Variants in SLC24A3 observed in about 807,000 individuals in gnomAD.
The protein encoded by SLC24A3 is sodium/potassium/calcium exchanger 3.
Under a neutral mutation model 75.8 loss-of-function variants are expected in SLC24A3, and 28 were observed. The observed-to-expected ratio is 0.37, with a 90% CI of 0.27 to 0.51. SLC24A3 has a LOEUF of 0.51. Among genes scored for constraint, SLC24A3 ranks in the 20% least tolerant of loss-of-function variants. SLC24A3 has a pLI of 0.94. For synonymous variants in SLC24A3, 372 were observed against 334.1 expected (o/e 1.11, Z -1.24); for missense variants, 663 against 847.8 (o/e 0.78, Z 2.71).
chr20:19,499,843 A>C (rs1988358288), intron 2 of SLC24A3, among the ~76,000 whole-genome samples: 1 of 152,200 alleles, frequency 6.6e-6, no homozygotes, highest in Non-Finnish European at 1.5e-5. Context: ...ATACATGTAC[A>C]CACATGGATT....
At chr20:19,498,263 T>A (rs1363415110) in intron 2 of SLC24A3, among the ~76,000 whole-genome samples, 1 of 152,184 alleles carries the variant, frequency 6.6e-6, no homozygotes, top group South Asian at 2.1e-4. Flanking sequence ...AAAGTAATAA[T>A]AATAGAAATA....
intron 2 of SLC24A3, among the ~76,000 whole-genome samples, chr20:19,428,434 C>T (rs1987049244): frequency 6.6e-6 from 1 of 152,210 alleles, no homozygotes; most frequent in Non-Finnish European, 1.5e-5. Flanking sequence ...GTTCAGGGCA[C>T]TGTCAGCAAG....
At position 19,642,856 on chromosome 20, in the gene SLC24A3, A is replaced by G. The variant is rs149580111; in HGVS notation, c.613-11206A>G. Reference sequence around the variant, plus strand: ...TCTCAGCTCTCTTCTTTATTGTCCAACACAGATCAAACCTAGATGTGTTAT... The same window carrying G: ...TCTCAGCTCTCTTCTTTATTGTCCAGCACAGATCAAACCTAGATGTGTTAT... On this transcript the variant is annotated intron_variant, in intron 6 of 16. Transcript: ENST00000328041. 2.9e-3 allele frequency among the ~76,000 whole-genome samples: 447 copies of G among 152,318 alleles called. 1 individual carries two copies. Among genetic ancestry groups the G allele is most frequent in the African/African-American group, 0.01 (426 of 41,564 alleles).
chr20:19,381,100 C>A (rs1986173086), intron 2 of SLC24A3, among the ~76,000 whole-genome samples: 1 of 152,354 alleles, frequency 6.6e-6, no homozygotes, highest in East Asian at 1.9e-4. Context: ...CTAATATACA[C>A]ACCACTATTA....
At chr20:19,533,256 A>G (rs1390254532) in intron 3 of SLC24A3, among the ~76,000 whole-genome samples, 1 of 152,114 alleles carries the variant, frequency 6.6e-6, no homozygotes, top group Non-Finnish European at 1.5e-5. Context: ...TAGTGTCTCT[A>G]TGCTTCTCCA....
chr20:19,394,774 G>T (rs1986425011), intron 2 of SLC24A3, among the ~76,000 whole-genome samples: 1 of 152,218 alleles, frequency 6.6e-6, no homozygotes, highest in Admixed American at 6.5e-5. Context: ...TGGAGGGAAT[G>T]TAAAATGGTG....
chr20:19,399,708 G>A (rs2122402112), intron 2 of SLC24A3, among the ~76,000 whole-genome samples: 1 of 152,306 alleles, frequency 6.6e-6, no homozygotes, highest in South Asian at 2.1e-4. Context: ...CACCTGAAGA[G>A]AACATGCTTT....
intron 6 of SLC24A3, among the ~76,000 whole-genome samples, chr20:19,649,369 T>G (rs1467893039): frequency 6.6e-6 from 1 of 152,202 alleles, no homozygotes; most frequent in African/African-American, 2.4e-5. Flanking sequence ...TGTAGTGGTG[T>G]TTTATTTTTG....
intron 6 of SLC24A3, among the ~76,000 whole-genome samples, chr20:19,610,226 GT>G (rs2031654707): frequency 6.7e-6 from 1 of 148,644 alleles, no homozygotes; most frequent in Non-Finnish European, 1.5e-5. Context: ...TTTCTTTTTG[GT>G]TTTCATTCTG....
intron 6 of SLC24A3, among the ~76,000 whole-genome samples, chr20:19,599,344 C>G (rs1406702087): frequency 6.6e-6 from 1 of 152,058 alleles, no homozygotes; most frequent in Non-Finnish European, 1.5e-5. Flanking sequence ...CGGTCCCTCC[C>G]GCGCACCTGG....
intron 6 of SLC24A3, among the ~76,000 whole-genome samples, chr20:19,608,046 A>T (rs557325017): frequency 6.0e-4 from 92 of 152,238 alleles, no homozygotes; most frequent in African/African-American, 2.1e-3. Flanking sequence ...CCCATCTCCC[A>T]ATTTTAAAAG....
intron 3 of SLC24A3, among the ~76,000 whole-genome samples, chr20:19,551,326 G>A (rs2030689707): frequency 6.6e-6 from 1 of 152,120 alleles, no homozygotes; most frequent in South Asian, 2.1e-4. Context: ...TAATGATAAG[G>A]TCTACTATGG....
intron 2 of SLC24A3, among the ~76,000 whole-genome samples, chr20:19,505,308 A>G (rs1172923573): frequency 6.6e-6 from 1 of 152,220 alleles, no homozygotes; most frequent in Non-Finnish European, 1.5e-5. Flanking sequence ...CCATAATGCT[A>G]TCTAGATTGC....
chr20:19,572,022 A>G (rs1016270709), intron 3 of SLC24A3, among the ~76,000 whole-genome samples: 15 of 152,192 alleles, frequency 9.9e-5, no homozygotes, highest in South Asian at 2.1e-4. Flanking sequence ...GAGACAGGAA[A>G]GTCAAAGCTA....
intron 1 of SLC24A3, among the ~76,000 whole-genome samples, chr20:19,226,670 C>T (rs1279515635): frequency 6.6e-6 from 1 of 152,118 alleles, no homozygotes; most frequent in Non-Finnish European, 1.5e-5. Context: ...GTACTGACTC[C>T]TTTAATCTCC....
At chr20:19,564,201 A>G (rs1385967872) in intron 3 of SLC24A3, among the ~76,000 whole-genome samples, 1 of 152,210 alleles carries the variant, frequency 6.6e-6, no homozygotes, top group Non-Finnish European at 1.5e-5. Flanking sequence ...AGGGAATATC[A>G]TTGAAAAGTG....
chr20:19,715,836 C>T (rs2033039973), intron 15 of SLC24A3, among the ~76,000 whole-genome samples: 2 of 152,194 alleles, frequency 1.3e-5, no homozygotes, highest in African/African-American at 4.8e-5. Flanking sequence ...GCCTCACTTT[C>T]CCTTCCCAAG....
intron 2 of SLC24A3, among the ~76,000 whole-genome samples, chr20:19,334,832 G>C (rs757318237): frequency 2.0e-5 from 3 of 152,158 alleles, no homozygotes; most frequent in Non-Finnish European, 4.4e-5. Context: ...GCTTCTAGGG[G>C]TGTTTGTTGG....
chr20:19,481,522 A>G (rs1988053614), intron 2 of SLC24A3, among the ~76,000 whole-genome samples: 7 of 152,208 alleles, frequency 4.6e-5, no homozygotes, highest in Admixed American at 4.6e-4. Flanking sequence ...GCAGAGATTC[A>G]GGAAAATTCA....
Sources: gnomAD v4.1 joint callset for allele counts (sites outside exome capture counted in the v4.1 genomes callset) on GRCh38, gnomAD v4.1.1 for gene constraint, MANE v1.5 for transcripts, NCBI Gene and HGNC (gene_info 2026-07-23, HGNC 2026-07-21) for gene names.